Variants in DBF4B observed in about 807,000 individuals in gnomAD.
DBF4B encodes DBF4B-CDC7 kinase regulatory subunit.
DBF4B carries 49 observed loss-of-function variants against 53.4 expected under a neutral mutation model. The observed-to-expected ratio is 0.92, with a 90% CI of 0.73 to 1.16. The LOEUF (loss-of-function observed/expected upper bound fraction) is 1.16. Ranked by LOEUF, DBF4B falls within the 50% of genes most tolerant of loss-of-function variation. DBF4B has a pLI of 0.00. For synonymous variants in DBF4B, 257 were observed against 288.7 expected, an observed-to-expected ratio of 0.89 and a Z score of 1.11; for missense variants, 692 against 775.0, an observed-to-expected ratio of 0.89 and a Z score of 1.27.
chr17:44,741,224 G>A (rs1021440800), intron 9 of DBF4B, 112 bp from the exon 10 acceptor site: 1 of 747,092 alleles, frequency 1.3e-6, no homozygotes, highest in African/African-American at 1.8e-5. Context: ...TAAAAGATGT[G>A]GAGGTGAGAG....
At chr17:44,746,985 C>T in intron 10 of DBF4B, 98 bp from the exon 11 acceptor site, 3 of 1,152,074 alleles carry the variant, frequency 2.6e-6, no homozygotes, top group South Asian at 1.3e-5. Context: ...CATCTTGGTC[C>T]TTCCCCTCCC....
chr17:44,722,774 TAGTCTGTGCTATTATAGCACAC>T (rs960626836), intron 2 of DBF4B, 84 bp from the exon 3 acceptor site: 16 of 1,267,710 alleles, frequency 1.3e-5, no homozygotes, highest in African/African-American at 1.2e-4. Flanking sequence ...GCCCAGGGTC[TAGTCTGTGCTATTATAGCACAC>T]AGACTGAGCT....
intron 10 of DBF4B, among the ~76,000 whole-genome samples, chr17:44,745,394 G>T (rs970806275): frequency 2.0e-5 from 3 of 152,188 alleles, no homozygotes; most frequent in African/African-American, 7.2e-5. Flanking sequence ...CTGAGACTGG[G>T]TAATTTGTAA....
chr17:44,727,800 C>T (rs149495497), intron 3 of DBF4B, among the ~76,000 whole-genome samples: 217 of 151,734 alleles, frequency 1.4e-3, no homozygotes, highest in African/African-American at 4.8e-3. Flanking sequence ...CAGGTGCAAG[C>T]GATTCTCCTT....
intron 12 of DBF4B, among the ~76,000 whole-genome samples, chr17:44,748,120 C>A (rs1449944775): frequency 6.6e-6 from 1 of 152,206 alleles, no homozygotes; most frequent in Non-Finnish European, 1.5e-5. Flanking sequence ...TTCCTCTGGC[C>A]GGCCCCAACC....
In DBF4B at chr17:44,708,771, C is replaced by T; in HGVS notation, c.-50C>T. 2 of 1,545,986 alleles carry T rather than the reference C, an allele frequency of 1.3e-6. No individual in the cohort carries two copies. The highest frequency in any genetic ancestry group is 1.2e-5 in the South Asian group (1 of 83,384). The stretch of plus-strand genomic sequence containing the variant: ...GCTCATGGAGCTCGCGAATGTAATA[C>T]GGAGGCCTCTGAGGAAGGAGTACGG... On this transcript the variant is annotated 5_prime_UTR_variant, in exon 1 of 14. The change creates a new upstream start codon in the 5' untranslated region. Transcript: ENST00000315005.
At chr17:44,748,209 CAG>C (rs2049160016) in intron 12 of DBF4B, 130 bp from the exon 13 acceptor site, 1 of 1,230,268 alleles carries the variant, frequency 8.1e-7, no homozygotes. Flanking sequence ...GACTTTCACA[CAG>C]GGCCTCAGAG....
chr17:44,723,752 CTG>C (rs1487178584), intron 3 of DBF4B, among the ~76,000 whole-genome samples: 3 of 149,232 alleles, frequency 2.0e-5, no homozygotes, highest in African/African-American at 7.4e-5. Flanking sequence ...GAGTGAGACT[CTG>C]TATAAAAAAA....
chr17:44,710,759 G>A (rs1434964527), intron 2 of DBF4B, among the ~76,000 whole-genome samples: 1 of 151,866 alleles, frequency 6.6e-6, no homozygotes, highest in Non-Finnish European at 1.5e-5. Flanking sequence ...GTTTTGTAGA[G>A]ACGAGGTTTT....
At chr17:44,717,992 C>G (rs946494002) in intron 2 of DBF4B, among the ~76,000 whole-genome samples, 1 of 152,040 alleles carries the variant, frequency 6.6e-6, no homozygotes, top group Admixed American at 6.6e-5. Flanking sequence ...CACCACTGCA[C>G]TCTAGCCTGA....
intron 3 of DBF4B, among the ~76,000 whole-genome samples, chr17:44,723,926 A>C (rs1974067544): frequency 1.3e-5 from 2 of 152,134 alleles, no homozygotes; most frequent in African/African-American, 4.8e-5. Flanking sequence ...GCCTGGCAAC[A>C]TGGCGAGAGC....
In DBF4B at chr17:44,715,976, C is replaced by T. The variant is rs549797591; in HGVS notation, c.82+6610C>T. Among the ~76,000 whole-genome samples, 8 of 151,742 alleles carry T rather than the reference C, an allele frequency of 5.3e-5. No individual in the cohort carries two copies. In the South Asian group the frequency reaches 1.7e-3, roughly 32 times the overall value. ...TAGCTAGGACCACAGGTGCATGCCA[C>T]CACACCTGGCTAATTGTTTGTATTT... On this transcript the variant is annotated intron_variant, in intron 2 of 13. Coordinates refer to ENST00000315005, the MANE Select transcript of DBF4B (RefSeq NM_145663.3).
chr17:44,741,602 G>A, intron 10 of DBF4B, 150 bp downstream of exon 10: 1 of 553,578 alleles, frequency 1.8e-6, no homozygotes, highest in South Asian at 2.4e-5. Context: ...AGAGAGACTA[G>A]GAGCGTTCAT....
chr17:44,751,940 C>T lies in DBF4B; in HGVS notation c.*687C>T. On this transcript the variant is annotated 3_prime_UTR_variant, in exon 14 of 14. Coordinates refer to ENST00000315005, the MANE Select transcript of DBF4B (RefSeq NM_145663.3). Reference sequence around the variant, plus strand: ...CCCATTCCCTCGTTCGTTCATTCAGCACAGGCCTTGCCGTCTGCCCTGAGT... The same window carrying T: ...CCCATTCCCTCGTTCGTTCATTCAGTACAGGCCTTGCCGTCTGCCCTGAGT... 6.5e-7 allele frequency: 1 copy of T among 1,536,074 alleles called. No homozygotes were observed. Among genetic ancestry groups the T allele is most frequent in the Admixed American group, 2.0e-5 (1 of 50,992 alleles).
intron 8 of DBF4B, among the ~76,000 whole-genome samples, chr17:44,737,160 G>A (rs943259808): frequency 6.6e-6 from 1 of 152,170 alleles, no homozygotes; most frequent in African/African-American, 2.4e-5. Context: ...TTGAGGTTCA[G>A]CATCCTTTTC....
At chr17:44,722,310 G>A (rs1027678682) in intron 2 of DBF4B, among the ~76,000 whole-genome samples, 2 of 152,106 alleles carry the variant, frequency 1.3e-5, no homozygotes, top group East Asian at 3.8e-4. Flanking sequence ...GTTACCAAAT[G>A]CAGAGGTTGG....
intron 2 of DBF4B, among the ~76,000 whole-genome samples, chr17:44,721,301 A>G (rs1973823254): frequency 7.3e-6 from 1 of 137,844 alleles, no homozygotes; most frequent in African/African-American, 2.9e-5. Context: ...TCACTGCAAC[A>G]TCTGTCTCCC....
At chr17:44,735,448 G>A (rs1011200846) in intron 7 of DBF4B, among the ~76,000 whole-genome samples, 1 of 152,208 alleles carries the variant, frequency 6.6e-6, no homozygotes, top group Non-Finnish European at 1.5e-5. Context: ...CGAGGCAGGT[G>A]AATCGCTTGA....
At chr17:44,711,214 G>T (rs1972836967) in intron 2 of DBF4B, among the ~76,000 whole-genome samples, 1 of 151,952 alleles carries the variant, frequency 6.6e-6, no homozygotes, top group Non-Finnish European at 1.5e-5. Flanking sequence ...TTGAACTCCC[G>T]ACCTCATGAT....
Sources: allele counts gnomAD v4.1 joint callset (sites outside exome capture counted in the v4.1 genomes callset), GRCh38; gene constraint gnomAD v4.1.1; transcripts MANE v1.5; gene names NCBI Gene and HGNC (gene_info 2026-07-23, HGNC 2026-07-21).